Variants in TRIQK observed in about 807,000 individuals in gnomAD.
TRIQK encodes triple QxxK/R motif containing, also known as triple QxxK/R motif-containing protein.
TRIQK carries 10 observed loss-of-function variants against 10.8 expected under a neutral mutation model. That is an observed-to-expected ratio of 0.92 (90% confidence interval 0.57 to 1.57). The LOEUF is 1.57. Among genes scored for constraint, TRIQK ranks in the 40% most tolerant of loss-of-function variants. The pLI, the probability that TRIQK is intolerant of heterozygous loss-of-function variation, is 0.00. For synonymous variants in TRIQK, 33 were observed against 33.7 expected, an observed-to-expected ratio of 0.98 and a Z score of 0.07; for missense variants, 107 against 97.7, an observed-to-expected ratio of 1.09 and a Z score of -0.40.
chr8:92,936,514 T>C (rs898230768), intron 2 of TRIQK, among the ~76,000 whole-genome samples: 1 of 151,396 alleles, frequency 6.6e-6, no homozygotes, highest in African/African-American at 2.4e-5. Context: ...TATATAGAAA[T>C]AGAAAAGAAC....
At chr8:92,949,568 A>AAG (rs1811723404) in intron 2 of TRIQK, among the ~76,000 whole-genome samples, 1 of 148,250 alleles carries the variant, frequency 6.7e-6, no homozygotes, top group Admixed American at 6.8e-5. Flanking sequence ...AGGAAAGGGA[A>AAG]GGAAAGAAAG....
chr8:92,888,689 CAAAAAGAACA>C (rs1232377471), intron 4 of TRIQK, among the ~76,000 whole-genome samples: 2 of 151,422 alleles, frequency 1.3e-5, no homozygotes, highest in Non-Finnish European at 3.0e-5. Flanking sequence ...AGCTTTAAAT[CAAAAAGAACA>C]AAAAAGAACA....
At chr8:92,925,118 C>G (rs1027946129) in intron 2 of TRIQK, among the ~76,000 whole-genome samples, 1 of 152,082 alleles carries the variant, frequency 6.6e-6, no homozygotes, top group East Asian at 1.9e-4. Flanking sequence ...TTGGGACTCA[C>G]CTTCCAGCCA....
intron 2 of TRIQK, among the ~76,000 whole-genome samples, chr8:92,935,542 C>G (rs1810942963): frequency 6.6e-6 from 1 of 150,644 alleles, no homozygotes; most frequent in African/African-American, 2.4e-5. Flanking sequence ...AATAATGAAC[C>G]AAAAAGGAAA....
chr8:92,999,169 C>T (rs1813183306), intron 1 of TRIQK, among the ~76,000 whole-genome samples: 1 of 152,140 alleles, frequency 6.6e-6, no homozygotes, highest in African/African-American at 2.4e-5. Context: ...ATTTTGGTAA[C>T]ATTTAATAAA....
rs533894448 is a variant in TRIQK, at chr8:92,913,365, A to G, written c.61+3564T>C. ...TTTATGTGGCCAACAAACATATGAA[A>G]AAAAGCTCAGCCTCACTGGTCATTA... is the stretch of plus-strand genomic sequence containing the variant. On this transcript the variant is annotated intron_variant, in intron 3 of 4. Coordinates refer to ENST00000521988, the MANE Select transcript of TRIQK (RefSeq NM_001171797.2). 8.5e-5 allele frequency among the ~76,000 whole-genome samples: 13 copies of G among 152,326 alleles called. No individual in the cohort carries two copies. In the South Asian group the frequency reaches 1.4e-3, roughly 17 times the overall value.
At chr8:92,901,898 TTA>T (rs1358840432) in intron 3 of TRIQK, among the ~76,000 whole-genome samples, 1 of 152,188 alleles carries the variant, frequency 6.6e-6, no homozygotes, top group African/African-American at 2.4e-5. Flanking sequence ...GAAAGATGTA[TTA>T]TGGATTTGAT....
intron 1 of TRIQK, among the ~76,000 whole-genome samples, chr8:93,011,612 T>C (rs1185824869): frequency 1.3e-5 from 2 of 152,034 alleles, no homozygotes; most frequent in African/African-American, 2.4e-5. Flanking sequence ...GGGAAGACTG[T>C]AGCAATCTAG....
At chr8:92,904,050 A>C (rs1317533139) in intron 3 of TRIQK, among the ~76,000 whole-genome samples, 2 of 152,136 alleles carry the variant, frequency 1.3e-5, no homozygotes, top group Non-Finnish European at 2.9e-5. Flanking sequence ...ATGTGGGTAG[A>C]TGATAGAAGC....
chr8:92,907,151 C>T (rs1046575262), intron 3 of TRIQK, among the ~76,000 whole-genome samples: 6 of 152,174 alleles, frequency 3.9e-5, no homozygotes, highest in African/African-American at 1.4e-4. Flanking sequence ...AGTTTTGACA[C>T]TGAAGGACTT....
intron 2 of TRIQK, chr8:92,954,161 A>T (rs1404978555): frequency 6.6e-6 from 1 of 151,990 alleles, no homozygotes; most frequent in Non-Finnish European, 1.5e-5. Flanking sequence ...TTAACAAATA[A>T]ATCAGTTATA....
At chr8:92,948,669 T>C (rs1043228027) in intron 2 of TRIQK, among the ~76,000 whole-genome samples, 1 of 152,204 alleles carries the variant, frequency 6.6e-6, no homozygotes, top group Non-Finnish European at 1.5e-5. Flanking sequence ...TTTTGTACAC[T>C]GAAGAATCTC....
Position 92,886,726 on chromosome 8 carries a change from G to A in TRIQK, c.157C>T (p.Leu53Phe). Residue 53 changes from leucine to phenylalanine, a missense_variant, in exon 5 of 5, where the codon CTT (leucine) becomes TTT (phenylalanine). By Grantham distance (22) the Leu-to-Phe change is conservative. Transcript: ENST00000521988. Reference protein sequence around the residue: ...KTAIGIKEVGLVLAAILALLL... With the variant: ...KTAIGIKEVGFVLAAILALLL... ...AGTGCCAATATAGCTGCAAGTACAA[G>A]GCCAACTTCCTGGGAAGAAAAAAAA... 6.5e-7 allele frequency: 1 copy of A among 1,527,032 alleles called. No individual in the cohort carries two copies. The highest frequency in any genetic ancestry group is 8.8e-7 in the Non-Finnish European group (1 of 1,139,530). The allele number at this position is 1,527,032 out of a possible 1,614,324, so 94.6% of individuals were successfully genotyped here.
At chr8:92,947,388 A>G (rs913803234) in intron 2 of TRIQK, among the ~76,000 whole-genome samples, 1 of 151,218 alleles carries the variant, frequency 6.6e-6, no homozygotes, top group Admixed American at 6.6e-5. Context: ...TTCGAGACCA[A>G]CCTGGCCAAT....
At chr8:92,929,868 T>C (rs1335439326) in intron 2 of TRIQK, among the ~76,000 whole-genome samples, 3 of 152,154 alleles carry the variant, frequency 2.0e-5, no homozygotes, top group Admixed American at 1.3e-4. Flanking sequence ...TAAAAGAAGA[T>C]AGGTTAGTTA....
intron 1 of TRIQK, among the ~76,000 whole-genome samples, chr8:92,982,234 C>T (rs1812994068): frequency 6.6e-6 from 1 of 151,658 alleles, no homozygotes; most frequent in Admixed American, 6.6e-5. Context: ...ATTTTCAGTA[C>T]TACATCACCT....
At position 92,884,552 on chromosome 8, in the gene TRIQK, T is replaced by C. The variant is rs1398078539; in HGVS notation, c.*2070A>G. On this transcript the variant is annotated 3_prime_UTR_variant, in exon 5 of 5. Coordinates refer to ENST00000521988, the MANE Select transcript of TRIQK (RefSeq NM_001171797.2). ...TATAATTATACTATATTTAGATTAA[T>C]AGTTATCAAAAACATTTTTCCCCAA... The C allele has an allele frequency of 6.2e-6, 2 of 322,914 alleles. No individual in the cohort carries two copies. Among genetic ancestry groups the C allele is most frequent in the Non-Finnish European group, 1.2e-5 (2 of 164,546 alleles). The allele number at this position is 322,914 out of a possible 1,614,324, so 20.0% of individuals were successfully genotyped here. A position where few individuals can be genotyped will look rare whatever the true frequency, so the allele number is the denominator to read the frequency against.
upstream of TRIQK, among the ~76,000 whole-genome samples, chr8:92,966,417 T>G (rs1243315588): frequency 2.0e-5 from 3 of 152,156 alleles, no homozygotes; most frequent in Non-Finnish European, 4.4e-5. Context: ...CACTCCCCAA[T>G]TCACAGGATC....
At chr8:92,926,168 A>C (rs1325284215) in intron 2 of TRIQK, 1 of 137,130 alleles carries the variant, frequency 7.3e-6, no homozygotes, top group Non-Finnish European at 1.6e-5. Flanking sequence ...CTACCAAGCC[A>C]AAAAAAAAAA....
Sources: allele counts gnomAD v4.1 joint callset (sites outside exome capture counted in the v4.1 genomes callset), GRCh38; gene constraint gnomAD v4.1.1; transcripts MANE v1.5; gene names NCBI Gene and HGNC (gene_info 2026-07-23, HGNC 2026-07-21).